Variants in C8A observed in about 807,000 individuals in gnomAD.
The protein encoded by C8A is complement C8 alpha chain.
Under a neutral mutation model 65.3 loss-of-function variants are expected in C8A, and 67 were observed. The ratio of observed to expected loss-of-function variants is 1.03; its 90% confidence interval spans 0.84 to 1.26. C8A has a LOEUF of 1.26. C8A is among the 50% of genes most tolerant of loss of function. The pLI is 0.00. For synonymous variants in C8A, 290 were observed against 259.4 expected (o/e 1.12, Z -1.13); for missense variants, 781 against 723.9 (o/e 1.08, Z -0.90).
At chr1:56,906,913 A>G (rs1443147207) in intron 8 of C8A, 121 bp downstream of exon 8, 7 of 1,229,968 alleles carry the variant, frequency 5.7e-6, no homozygotes, top group East Asian at 2.4e-5. Flanking sequence ...ATCAGACTGC[A>G]TAGACGCTAA....
At chr1:56,859,795 C>G (rs1290479932) in intron 1 of C8A, among the ~76,000 whole-genome samples, 2 of 152,146 alleles carry the variant, frequency 1.3e-5, no homozygotes, top group Non-Finnish European at 2.9e-5. Context: ...GGTGCGGTGG[C>G]TCACACCTGT....
intron 1 of C8A, among the ~76,000 whole-genome samples, chr1:56,860,120 C>T (rs1644018465): frequency 6.6e-6 from 1 of 151,856 alleles, no homozygotes. Context: ...TAAATGGGGC[C>T]CTTTGTTAGA....
intron 6 of C8A, among the ~76,000 whole-genome samples, chr1:56,884,767 A>G (rs112749771): frequency 2.6e-5 from 4 of 152,116 alleles, no homozygotes; most frequent in African/African-American, 9.7e-5. Context: ...TTATTTTTTT[A>G]TATAAAGATG....
intron 8 of C8A, 42 bp downstream of exon 8, chr1:56,906,834 C>G (rs779177587): frequency 6.2e-7 from 1 of 1,613,226 alleles, no homozygotes; most frequent in Admixed American, 1.7e-5. Context: ...AGAAGCCAGG[C>G]TTTCCTTTGG....
rs761659751 is a variant in C8A, at chr1:56,885,953, A to G, written c.882A>G (p.Thr294=). Residue 294 remains threonine (T), a synonymous_variant, in exon 7 of 11, where the codon ACA becomes ACG. Transcript: ENST00000361249. ...EKKFIFTRIF[T]KVQTAHFKMR... Reference sequence around the variant, plus strand: ...AATTCATTTTCACAAGAATCTTCACAAAGGTGCAGACTGCACATTTTAAGA... The same window carrying G: ...AATTCATTTTCACAAGAATCTTCACGAAGGTGCAGACTGCACATTTTAAGA... 8.7e-6 allele frequency: 14 copies of G among 1,613,874 alleles called. No homozygotes were observed. In the South Asian group the frequency reaches 1.5e-4, roughly 18 times the overall value.
At chr1:56,856,613 C>T (rs1643979494) in intron 1 of C8A, among the ~76,000 whole-genome samples, 1 of 152,052 alleles carries the variant, frequency 6.6e-6, no homozygotes, top group African/African-American at 2.4e-5. Flanking sequence ...CACATGAACC[C>T]TAACATTGAA....
intron 8 of C8A, 128 bp downstream of exon 8, chr1:56,906,920 C>T (rs1320392645): frequency 5.6e-6 from 6 of 1,073,854 alleles, no homozygotes; most frequent in African/African-American, 1.6e-5. Flanking sequence ...TGCATAGACG[C>T]TAAATACCCC....
intron 9 of C8A, among the ~76,000 whole-genome samples, chr1:56,911,065 G>GTTTTTTTTTTTTT (rs11325191): frequency 1.4e-5 from 2 of 141,868 alleles, no homozygotes. Flanking sequence ...AAAAACATGG[G>GTTTTTTTTTTTTT]TTTTTTTTTT....
At chr1:56,884,741 C>T (rs1222056632) in intron 6 of C8A, among the ~76,000 whole-genome samples, 6 of 152,122 alleles carry the variant, frequency 3.9e-5, no homozygotes, top group Non-Finnish European at 7.4e-5. Context: ...ATCCAAAATT[C>T]TTCCAGTGCT....
intron 7 of C8A, among the ~76,000 whole-genome samples, chr1:56,894,394 A>G (rs1157523355): frequency 6.6e-6 from 1 of 152,090 alleles, no homozygotes; most frequent in Non-Finnish European, 1.5e-5. Context: ...GTCACTTTGA[A>G]CTCTCATCAC....
At chr1:56,880,731 A>G (rs888129953) in intron 4 of C8A, among the ~76,000 whole-genome samples, 11 of 152,202 alleles carry the variant, frequency 7.2e-5, no homozygotes, top group African/African-American at 2.7e-4. Flanking sequence ...AACAATTGCT[A>G]CAATAGCAAC....
chr1:56,905,800 G>A (rs1055180332), intron 7 of C8A, among the ~76,000 whole-genome samples: 6 of 152,298 alleles, frequency 3.9e-5, no homozygotes, highest in Middle Eastern at 3.4e-3. Context: ...TTTAGCTACC[G>A]AAAAGGTTGA....
chr1:56,862,342 C>A (rs1204373029), intron 1 of C8A, among the ~76,000 whole-genome samples: 1 of 151,802 alleles, frequency 6.6e-6, no homozygotes, highest in African/African-American at 2.4e-5. Flanking sequence ...AACTGTGTTA[C>A]ATAGTCTTAC....
intron 9 of C8A, 101 bp from the exon 10 acceptor site, chr1:56,912,302 G>T: frequency 9.7e-7 from 1 of 1,027,086 alleles, no homozygotes. Context: ...GTCTGTGCCT[G>T]GCATGTATCA....
At chr1:56,855,635 G>A (rs1643966728) in intron 1 of C8A, among the ~76,000 whole-genome samples, 1 of 87,656 alleles carries the variant, frequency 1.1e-5, no homozygotes, top group African/African-American at 5.4e-5. Flanking sequence ...TTGCTTCATG[G>A]GTTTTTTTTT....
Position 56,917,711 on chromosome 1 carries a change from T to G in C8A, c.1750T>G (p.Cys584Gly). 1 of 1,614,086 alleles carries G rather than the reference T, an allele frequency of 6.2e-7. No individual in the cohort carries two copies. The highest frequency in any genetic ancestry group is 8.5e-7 in the Non-Finnish European group (1 of 1,180,030). The change falls in exon 11 of 11, where the codon TGC becomes GGC. Residue 584 changes from cysteine (C) to glycine (G), a missense_variant. Transcript: ENST00000361249. ...CPGRKVQTQA[C>G] is the part of the protein sequence containing the mutation. Reference sequence around the variant, plus strand: ...AGGGCGGAAAGTACAGACGCAGGCTTGCTGAGGGCCTCTGGACACAGGCTG... The same window carrying G: ...AGGGCGGAAAGTACAGACGCAGGCTGGCTGAGGGCCTCTGGACACAGGCTG...
chr1:56,882,539 A>C (rs1644256149), intron 5 of C8A, among the ~76,000 whole-genome samples: 1 of 152,172 alleles, frequency 6.6e-6, no homozygotes, highest in Non-Finnish European at 1.5e-5. Flanking sequence ...GAAGAGATAG[A>C]TTATACACTT....
In C8A at chr1:56,917,636, A is replaced by C; in HGVS notation, c.1675A>C (p.Arg559=). ...ATGCAGAGCAGGCATCCAGGAAAGG[A>C]GAAGAGAGTGTGACAATCCAGCACC... ...SVCRAGIQER[R]RECDNPAPQN... Residue 559 remains arginine (R), a synonymous_variant, in exon 11 of 11, where the codon AGA becomes CGA. Coordinates refer to ENST00000361249, the MANE Select transcript of C8A (RefSeq NM_000562.3). The C allele has an allele frequency of 6.2e-7, 1 of 1,614,200 alleles. No individual in the cohort carries two copies. Among genetic ancestry groups the C allele is most frequent in the South Asian group, 1.1e-5 (1 of 91,086 alleles).
intron 7 of C8A, among the ~76,000 whole-genome samples, chr1:56,891,369 A>G (rs527724723): frequency 1.1e-4 from 17 of 152,224 alleles, no homozygotes; most frequent in Admixed American, 2.6e-4. Context: ...AAGAGGTGTC[A>G]GAGGGTCTTA....
Sources: gnomAD v4.1 joint callset for allele counts (sites outside exome capture counted in the v4.1 genomes callset) on GRCh38, gnomAD v4.1.1 for gene constraint, MANE v1.5 for transcripts, NCBI Gene and HGNC (gene_info 2026-07-23, HGNC 2026-07-21) for gene names.